The following LRRIQ1 variants were observed in gnomAD, a reference collection of about 807,000 sequenced individuals.
LRRIQ1 encodes leucine rich repeats and IQ motif containing 1, also known as leucine-rich repeat- and IQ domain-containing protein 1.
Under a neutral mutation model 211.9 loss-of-function variants are expected in LRRIQ1, and 210 were observed. The observed-to-expected ratio is 0.99, with a 90% CI of 0.89 to 1.11. The LOEUF is 1.11. LRRIQ1 is among the 50% of genes most tolerant of loss of function. The pLI is 0.00. For missense variants in LRRIQ1, 2,136 were observed against 1,939.5 expected (o/e 1.10, Z -1.90); for synonymous variants, 699 against 650.1 (o/e 1.08, Z -1.14).
At chr12:85,245,416 TTAA>T (rs1895672078), downstream of LRRIQ1, among the ~76,000 whole-genome samples, 1 of 150,914 alleles carries the variant, frequency 6.6e-6, no homozygotes, top group Non-Finnish European at 1.5e-5. Context: ...ATTATGTCTA[TTAA>T]TGATGACTCT....
chr12:85,080,096 C>T (rs950164117), intron 11 of LRRIQ1, among the ~76,000 whole-genome samples: 12 of 151,970 alleles, frequency 7.9e-5, no homozygotes, highest in African/African-American at 2.4e-4. Flanking sequence ...AATACATATA[C>T]GTACGTGTGT....
chr12:85,087,337 C>T (rs1884933702), intron 11 of LRRIQ1, among the ~76,000 whole-genome samples: 1 of 152,128 alleles, frequency 6.6e-6, no homozygotes, highest in South Asian at 2.1e-4. Flanking sequence ...TTAATCCAGT[C>T]TATCATTGAT....
chr12:85,238,397 A>T (rs148544934), intron 26 of LRRIQ1, among the ~76,000 whole-genome samples: 2 of 152,126 alleles, frequency 1.3e-5, no homozygotes, highest in African/African-American at 4.8e-5. Flanking sequence ...AAACAGATTT[A>T]AAAAGCTTAA....
chr12:85,256,987 G>A (rs1279015444), intron 1 of LRRIQ1, among the ~76,000 whole-genome samples: 2 of 124,222 alleles, frequency 1.6e-5, no homozygotes, highest in Non-Finnish European at 3.4e-5. Flanking sequence ...AATATTGGGT[G>A]AGAGAAGATA....
rs142256200 is a variant in LRRIQ1 at position 85,232,937 on chromosome 12, A to G, written c.5016+181A>G. ...TTTTCTTGACTTGTAATACAATTTA[A>G]AATGTGACATTGCTTAAAAATGTTA... is the stretch of plus-strand genomic sequence containing the variant. On this transcript the variant is annotated intron_variant, in intron 26 of 26. Transcript: ENST00000393217. 2.7e-3 allele frequency: 1,396 copies of G among 516,684 alleles called. 24 individuals carry two copies. Among genetic ancestry groups the G allele is most frequent in the African/African-American group, 0.025 (1,262 of 50,240 alleles). 32.0% of individuals were successfully genotyped at this position (516,684 alleles called of 1,614,324 possible).
chr12:85,259,273 G>T (rs1000250990), intron 1 of LRRIQ1, among the ~76,000 whole-genome samples: 1 of 152,062 alleles, frequency 6.6e-6, no homozygotes, highest in African/African-American at 2.4e-5. Flanking sequence ...TCCATCAGTA[G>T]GTTTAGCTCC....
intron 24 of LRRIQ1, among the ~76,000 whole-genome samples, chr12:85,190,193 ATATAT>A (rs1199707592): frequency 6.9e-6 from 1 of 144,188 alleles, no homozygotes; most frequent in African/African-American, 2.5e-5. Context: ...TAATAATTCA[ATATAT>A]TATAATTATA....
At chr12:85,120,660 A>C (rs375328032) in intron 15 of LRRIQ1, among the ~76,000 whole-genome samples, 1 of 151,430 alleles carries the variant, frequency 6.6e-6, no homozygotes, top group African/African-American at 2.4e-5. Context: ...CTATCCATGA[A>C]CCCCCCCAGT....
intron 11 of LRRIQ1, among the ~76,000 whole-genome samples, chr12:85,076,329 G>A (rs1565811540): frequency 6.6e-6 from 1 of 151,062 alleles, no homozygotes; most frequent in Non-Finnish European, 1.5e-5. Flanking sequence ...ATTAAATATT[G>A]AATAAAAATA....
chr12:85,127,181 A>G (rs1398987566), intron 17 of LRRIQ1, among the ~76,000 whole-genome samples: 4 of 152,222 alleles, frequency 2.6e-5, no homozygotes, highest in African/African-American at 7.2e-5. Context: ...ATCAATGTAC[A>G]TTTTAAATCA....
Position 85,232,747 on chromosome 12 carries a change from T to C in LRRIQ1, c.5007T>C (p.Val1669=), listed in dbSNP as rs1895003367. The C allele has an allele frequency of 1.2e-6, 2 of 1,612,352 alleles. No homozygotes were observed. The highest frequency in any genetic ancestry group is 4.5e-5 in the East Asian group (2 of 44,708). The stretch of plus-strand genomic sequence containing the variant: ...CAGATGTACTTAATGGTGGAAGAGT[T>C]CAGCTTGTGGTAAGAAATGTGCTTA... ...LDPDVLNGGR[V]QLVARLVSRE... Residue 1669 remains valine, a synonymous_variant, in exon 26 of 27, where the codon GTT becomes GTC. Transcript: ENST00000393217.
intron 7 of LRRIQ1, among the ~76,000 whole-genome samples, chr12:85,053,055 T>G (rs920973172): frequency 6.6e-6 from 1 of 152,074 alleles, no homozygotes; most frequent in African/African-American, 2.4e-5. Flanking sequence ...AATTAAAATT[T>G]AGTGGGTGAA....
chr12:85,056,005 A>G lies in LRRIQ1; in HGVS notation c.1212A>G (p.Gly404=), dbSNP rs750588552. The change falls in exon 8 of 27, where the codon GGA becomes GGG. Residue 404 remains glycine, a synonymous_variant. Coordinates refer to ENST00000393217, the MANE Select transcript of LRRIQ1 (RefSeq NM_001079910.2). ...TAAGTAGTGCATTAAAGAAGAGCGG[A>G]TATAATAACAAACATTTAAGTCTTG... ...LIISSALKKS[G]YNNKHLSLED... 6 of 1,608,154 alleles carry G rather than the reference A, an allele frequency of 3.7e-6. No individual in the cohort carries two copies. The South Asian group carries it at 6.7e-5, about 18-fold the overall frequency.
At chr12:85,162,903 C>T (rs2136746912) in intron 24 of LRRIQ1, 1 of 392,364 alleles carries the variant, frequency 2.5e-6, no homozygotes, top group East Asian at 7.7e-5. Flanking sequence ...TAGGAATAGG[C>T]TTGGCAAAAA....
chr12:85,121,415 C>T (rs921368219), intron 15 of LRRIQ1, among the ~76,000 whole-genome samples: 11 of 152,046 alleles, frequency 7.2e-5, no homozygotes, highest in African/African-American at 2.7e-4. Context: ...ACTCCAAATT[C>T]CAGCCTGAGT....
At chr12:85,231,845 C>T (rs544346450) in intron 25 of LRRIQ1, among the ~76,000 whole-genome samples, 42 of 152,226 alleles carry the variant, frequency 2.8e-4, no homozygotes, top group Admixed American at 1.5e-3. Context: ...GTTTCCAGCA[C>T]CCAACGTTGC....
At chr12:85,082,778 G>A (rs995297768) in intron 11 of LRRIQ1, among the ~76,000 whole-genome samples, 1 of 152,068 alleles carries the variant, frequency 6.6e-6, no homozygotes, top group Non-Finnish European at 1.5e-5. Flanking sequence ...TGTATTTCAT[G>A]CCTTTTATTG....
chr12:85,112,836 CT>C (rs1194421128), intron 15 of LRRIQ1, among the ~76,000 whole-genome samples: 1 of 152,072 alleles, frequency 6.6e-6, no homozygotes, highest in Non-Finnish European at 1.5e-5. Context: ...ATCTCACAGG[CT>C]ATCTTTAGGG....
chr12:85,161,788 C>G (rs1295609601), intron 24 of LRRIQ1, among the ~76,000 whole-genome samples: 2 of 152,142 alleles, frequency 1.3e-5, no homozygotes, highest in Non-Finnish European at 2.9e-5. Context: ...CGCCTGTAAT[C>G]CCAGCACTTT....
Sources: gnomAD v4.1 joint callset for allele counts (sites outside exome capture counted in the v4.1 genomes callset) on GRCh38, gnomAD v4.1.1 for gene constraint, MANE v1.5 for transcripts, NCBI Gene and HGNC (gene_info 2026-07-23, HGNC 2026-07-21) for gene names.